AP3B1: variants seen among roughly 807,000 people sequenced by gnomAD.
The protein encoded by AP3B1 is AP-3 complex subunit beta-1.
AP3B1 carries 61 observed loss-of-function variants against 132.5 expected under a neutral mutation model. That is an observed-to-expected ratio of 0.46 (90% CI 0.37 to 0.57). AP3B1 has a LOEUF of 0.57. Ranked by LOEUF, AP3B1 falls within the 20% of genes least tolerant of loss-of-function variation. The pLI, the probability that AP3B1 is intolerant of heterozygous loss-of-function variation, is 0.00. For synonymous variants in AP3B1, 388 were observed against 438.3 expected, an observed-to-expected ratio of 0.89 and a Z score of 1.43; for missense variants, 1,120 against 1,289.4, an observed-to-expected ratio of 0.87 and a Z score of 2.01.
intron 13 of AP3B1, among the ~76,000 whole-genome samples, chr5:78,157,949 C>T (rs1230916028): frequency 6.6e-6 from 1 of 152,102 alleles, no homozygotes; most frequent in African/African-American, 2.4e-5. Flanking sequence ...CGGGGTTTGA[C>T]CATATTGGTC....
intron 6 of AP3B1, among the ~76,000 whole-genome samples, chr5:78,221,562 C>T (rs912950047): frequency 4.6e-5 from 7 of 150,708 alleles, no homozygotes; most frequent in Non-Finnish European, 1.0e-4. Flanking sequence ...TGCAAGGTGC[C>T]CTTCGAATAA....
At chr5:78,195,025 TTA>T (rs1745021417) in intron 7 of AP3B1, among the ~76,000 whole-genome samples, 1 of 151,800 alleles carries the variant, frequency 6.6e-6, no homozygotes, top group Non-Finnish European at 1.5e-5. Flanking sequence ...AATACTTTTT[TTA>T]GTTTCTTTAA....
chr5:78,122,165 C>T (rs569034472), intron 17 of AP3B1, among the ~76,000 whole-genome samples: 4 of 152,278 alleles, frequency 2.6e-5, no homozygotes, highest in African/African-American at 4.8e-5. Flanking sequence ...GCTAAAAACT[C>T]TCAATAAATT....
intron 25 of AP3B1, among the ~76,000 whole-genome samples, chr5:78,018,032 A>G (rs1746927860): frequency 6.6e-6 from 1 of 152,046 alleles, no homozygotes; most frequent in South Asian, 2.1e-4. Context: ...TAAGTTTTAC[A>G]TTTGCAATTT....
intron 21 of AP3B1, among the ~76,000 whole-genome samples, chr5:78,097,354 C>T (rs1436600861): frequency 6.6e-4 from 87 of 132,764 alleles, no homozygotes; most frequent in African/African-American, 2.4e-3. Context: ...GCCCCCTGCC[C>T]GGCCAGCCGC....
chr5:78,117,171 CCTT>C (rs1461291730), intron 17 of AP3B1, among the ~76,000 whole-genome samples: 5 of 140,746 alleles, frequency 3.6e-5, no homozygotes, highest in African/African-American at 1.3e-4. Flanking sequence ...TTCCCCACCA[CCTT>C]TTTTTTTTTT....
intron 22 of AP3B1, among the ~76,000 whole-genome samples, chr5:78,061,368 A>C (rs191277300): frequency 1.1e-3 from 169 of 152,338 alleles, no homozygotes; most frequent in Non-Finnish European, 2.3e-3. Context: ...AAACTTGGTG[A>C]GTGGTATGTC....
At chr5:78,191,062 G>A (rs1037626266) in intron 7 of AP3B1, among the ~76,000 whole-genome samples, 5 of 152,104 alleles carry the variant, frequency 3.3e-5, no homozygotes, top group African/African-American at 1.2e-4. Flanking sequence ...TGCTTAAAAG[G>A]AGTCACAAAT....
chr5:78,270,317 G>A (rs1032565458), intron 1 of AP3B1, among the ~76,000 whole-genome samples: 4 of 152,044 alleles, frequency 2.6e-5, no homozygotes, highest in African/African-American at 9.7e-5. Flanking sequence ...TTTACCATTT[G>A]AGAGCCCCAC....
At chr5:78,111,013 C>T (rs1367969787) in intron 19 of AP3B1, among the ~76,000 whole-genome samples, 8 of 152,004 alleles carry the variant, frequency 5.3e-5, no homozygotes, top group Non-Finnish European at 1.0e-4. Context: ...CCAACTTGAC[C>T]TCCCAAAATA....
At chr5:78,275,345 T>A (rs1157660782) in intron 1 of AP3B1, among the ~76,000 whole-genome samples, 1 of 152,148 alleles carries the variant, frequency 6.6e-6, no homozygotes, top group Non-Finnish European at 1.5e-5. Context: ...TGCCTGGACA[T>A]AGGGTATCAT....
chr5:78,112,758 T>G (rs1192490330), intron 19 of AP3B1, among the ~76,000 whole-genome samples: 2 of 152,232 alleles, frequency 1.3e-5, no homozygotes, highest in Non-Finnish European at 2.9e-5. Context: ...TATTTTATTA[T>G]GCATCACTCA....
intron 7 of AP3B1, among the ~76,000 whole-genome samples, chr5:78,205,824 G>A (rs1353731407): frequency 3.3e-5 from 5 of 150,274 alleles, no homozygotes; most frequent in Non-Finnish European, 5.9e-5. Flanking sequence ...TGGGGATGGA[G>A]GGTGAAGAGG....
intron 2 of AP3B1, among the ~76,000 whole-genome samples, chr5:78,259,885 A>G (rs1748010058): frequency 6.6e-6 from 1 of 152,034 alleles, no homozygotes; most frequent in Admixed American, 6.6e-5. Context: ...CAGGAGGATC[A>G]CTTGGACCCG....
chr5:78,225,168 A>G (rs1037054478), intron 6 of AP3B1, among the ~76,000 whole-genome samples: 14 of 152,086 alleles, frequency 9.2e-5, no homozygotes, highest in Admixed American at 7.2e-4. Flanking sequence ...CCTTTTCCTC[A>G]GTAGTTTTGA....
intron 2 of AP3B1, among the ~76,000 whole-genome samples, chr5:78,263,799 G>C (rs1748201752): frequency 6.6e-6 from 1 of 152,122 alleles, no homozygotes; most frequent in African/African-American, 2.4e-5. Flanking sequence ...ATATTACAAT[G>C]ACTGAATTTT....
Position 78,002,435 on chromosome 5 carries a change from G to C in AP3B1, c.*467C>G, listed in dbSNP as rs1266818201. On this transcript the variant is annotated 3_prime_UTR_variant, in exon 27 of 27. Transcript: ENST00000255194. Reference sequence around the variant, plus strand: ...GAAATTCAAAGAACAAAATCTTGCAGAGACTATGCTTTTGTATTTGGATTT... The same window carrying C: ...GAAATTCAAAGAACAAAATCTTGCACAGACTATGCTTTTGTATTTGGATTT... 2.5e-6 allele frequency: 1 copy of C among 403,650 alleles called. No homozygotes were observed. The highest frequency in any genetic ancestry group is 2.1e-5 in the African/African-American group (1 of 48,634). 25.0% of individuals were successfully genotyped at this position (403,650 alleles called of 1,614,324 possible).
intron 22 of AP3B1, among the ~76,000 whole-genome samples, chr5:78,058,271 G>A (rs534164288): frequency 6.6e-6 from 1 of 152,288 alleles, no homozygotes; most frequent in African/African-American, 2.4e-5. Flanking sequence ...GGAGGCCGAG[G>A]TGGGCAGATC....
intron 17 of AP3B1, among the ~76,000 whole-genome samples, chr5:78,122,046 A>G (rs1205046854): frequency 6.6e-5 from 10 of 152,170 alleles, no homozygotes; most frequent in Admixed American, 2.6e-4. Context: ...TTCAACATAC[A>G]CAAATCAATA....
Sources: gnomAD v4.1 joint callset for allele counts (sites outside exome capture counted in the v4.1 genomes callset) on GRCh38, gnomAD v4.1.1 for gene constraint, MANE v1.5 for transcripts, NCBI Gene and HGNC (gene_info 2026-07-23, HGNC 2026-07-21) for gene names.